The following CTNND2 variants were observed in gnomAD, a reference collection of about 807,000 sequenced individuals.
CTNND2 encodes catenin delta-2.
CTNND2 carries 22 observed loss-of-function variants against 144.4 expected under a neutral mutation model. That is an observed-to-expected ratio of 0.15 (90% CI 0.11 to 0.22). The LOEUF is 0.22. CTNND2 is among the 10% of genes least tolerant of loss of function. The pLI is 1.00. For missense variants in CTNND2, 1,353 were observed against 1,618.8 expected, an observed-to-expected ratio of 0.84 and a Z score of 2.82; for synonymous variants, 751 against 695.6, an observed-to-expected ratio of 1.08 and a Z score of -1.25.
chr5:11,462,962 T>C (rs1418813480), intron 3 of CTNND2, among the ~76,000 whole-genome samples: 4 of 152,184 alleles, frequency 2.6e-5, no homozygotes, highest in Non-Finnish European at 5.9e-5. Context: ...AGTCTTCATA[T>C]CAAATGTGGA....
At chr5:11,218,133 A>G (rs1278868317) in intron 10 of CTNND2, among the ~76,000 whole-genome samples, 1 of 151,182 alleles carries the variant, frequency 6.6e-6, no homozygotes, top group Non-Finnish European at 1.5e-5. Flanking sequence ...GGGACTTAAC[A>G]ATATCCCTGA....
intron 11 of CTNND2, among the ~76,000 whole-genome samples, chr5:11,189,190 C>A (rs1735994533): frequency 6.6e-6 from 1 of 152,104 alleles, no homozygotes; most frequent in African/African-American, 2.4e-5. Flanking sequence ...TTCTTTTCTC[C>A]CTTCCTCCAT....
chr5:11,155,555 G>A (rs1000403656), intron 12 of CTNND2, among the ~76,000 whole-genome samples: 1 of 152,124 alleles, frequency 6.6e-6, no homozygotes, highest in Admixed American at 6.5e-5. Flanking sequence ...GATTAGGGGT[G>A]GTGGGGAAGA....
In CTNND2 at chr5:11,903,660, A is replaced by G. The variant is rs1240865119; in HGVS notation, c.37+157T>C. ...CGGCTTCCGAGGGGGACCTGGCGCG[A>G]TCGCGGTCCTCCCCGAGGCAGGCAG... On this transcript the variant is annotated intron_variant, in intron 1 of 21. Coordinates refer to ENST00000304623, the MANE Select transcript of CTNND2 (RefSeq NM_001332.4). The surrounding 1 kb of genome is among the most constrained non-coding windows in gnomAD (Gnocchi z 5.4). 1.3e-5 allele frequency among the ~76,000 whole-genome samples: 2 copies of G among 151,994 alleles called. No individual in the cohort carries two copies.
At chr5:11,175,854 T>A in intron 11 of CTNND2, among the ~76,000 whole-genome samples, 1 of 152,118 alleles carries the variant, frequency 6.6e-6, no homozygotes, top group East Asian at 1.9e-4. Context: ...TGTCACCCAA[T>A]AGTGTGTGTT....
chr5:11,405,864 C>A (rs1761052904), intron 5 of CTNND2, among the ~76,000 whole-genome samples: 1 of 152,100 alleles, frequency 6.6e-6, no homozygotes, highest in African/African-American at 2.4e-5. Context: ...CTGGAAAGAA[C>A]AGTCTTGTTT....
At chr5:11,033,322 G>A (rs1231697086) in intron 16 of CTNND2, among the ~76,000 whole-genome samples, 3 of 152,138 alleles carry the variant, frequency 2.0e-5, no homozygotes. Flanking sequence ...GAGTTTGCTG[G>A]GGATTCTTCT....
intron 1 of CTNND2, among the ~76,000 whole-genome samples, chr5:11,814,365 G>T (rs888120185): frequency 5.9e-5 from 9 of 152,212 alleles, no homozygotes; most frequent in Non-Finnish European, 1.3e-4. Flanking sequence ...TAAAACATGT[G>T]GTAGAGGACA....
chr5:11,525,459 T>C (rs1372538522), intron 3 of CTNND2, among the ~76,000 whole-genome samples: 1 of 152,080 alleles, frequency 6.6e-6, no homozygotes, highest in African/African-American at 2.4e-5. Flanking sequence ...GAGGTTAAAT[T>C]TAAACATTTT....
intron 3 of CTNND2, among the ~76,000 whole-genome samples, chr5:11,446,473 C>T (rs1463370220): frequency 6.6e-6 from 1 of 152,144 alleles, no homozygotes; most frequent in Non-Finnish European, 1.5e-5. Flanking sequence ...CTCTAAGAGC[C>T]AGCCTATGAT....
chr5:11,546,431 TTAGAAGAAGA>T (rs1489754649), intron 3 of CTNND2, among the ~76,000 whole-genome samples: 2 of 152,006 alleles, frequency 1.3e-5, no homozygotes, highest in African/African-American at 2.4e-5. Context: ...TGTAAGATTT[TTAGAAGAAGA>T]CACAATACAG....
chr5:11,099,565 T>C (rs1751676120), intron 14 of CTNND2, among the ~76,000 whole-genome samples: 1 of 152,160 alleles, frequency 6.6e-6, no homozygotes, highest in Non-Finnish European at 1.5e-5. Context: ...TAGTATGGGA[T>C]TTGCACATTA....
chr5:11,702,963 G>A lies in CTNND2; in HGVS notation c.174+29173C>T, dbSNP rs1464863621. Reference sequence around the variant, plus strand: ...TCTTAACCAACATCCGCAACACTCAGATGCTTCAGTGTTACTCCCAAAACA... The same window carrying A: ...TCTTAACCAACATCCGCAACACTCAAATGCTTCAGTGTTACTCCCAAAACA... On this transcript the variant is annotated intron_variant, in intron 2 of 21. Transcript: ENST00000304623. 4.6e-5 allele frequency among the ~76,000 whole-genome samples: 7 copies of A among 152,160 alleles called. No homozygotes were observed. In the East Asian group the frequency reaches 1.4e-3, roughly 29 times the overall value.
intron 9 of CTNND2, among the ~76,000 whole-genome samples, chr5:11,314,286 T>C (rs1292005039): frequency 6.6e-6 from 1 of 152,178 alleles, no homozygotes; most frequent in African/African-American, 2.4e-5. Context: ...GGAAATGTGC[T>C]CTGTGTTATA....
At chr5:11,785,442 T>C (rs1052986181) in intron 1 of CTNND2, among the ~76,000 whole-genome samples, 1 of 152,198 alleles carries the variant, frequency 6.6e-6, no homozygotes, top group Non-Finnish European at 1.5e-5. Context: ...AAATATAAAA[T>C]GTTATTTTTT....
At position 11,031,570 on chromosome 5, in the gene CTNND2, C is replaced by A. The variant is rs187031143; in HGVS notation, c.2789-8591G>T. On this transcript the variant is annotated intron_variant, in intron 16 of 21. Transcript: ENST00000304623. Reference sequence around the variant, plus strand: ...GTCAGCTTAATTGGATTGAAGGATGCCTCGGTGGGCTGGTAAAGTAGTGTT... The same window carrying A: ...GTCAGCTTAATTGGATTGAAGGATGACTCGGTGGGCTGGTAAAGTAGTGTT... 3.8e-4 allele frequency among the ~76,000 whole-genome samples: 58 copies of A among 152,050 alleles called. 1 individual carries two copies. The East Asian group carries it at 8.9e-3, about 23-fold the overall frequency.
intron 2 of CTNND2, among the ~76,000 whole-genome samples, chr5:11,729,544 T>G (rs1195364489): frequency 6.6e-6 from 1 of 152,190 alleles, no homozygotes; most frequent in African/African-American, 2.4e-5. Flanking sequence ...AACTCATTTT[T>G]ACTAATGACT....
intron 11 of CTNND2, among the ~76,000 whole-genome samples, chr5:11,170,980 GA>G (rs1235456579): frequency 6.6e-5 from 10 of 152,286 alleles, no homozygotes; most frequent in African/African-American, 2.2e-4. Context: ...ACTATCATGA[GA>G]ACAGTATGGG....
intron 2 of CTNND2, among the ~76,000 whole-genome samples, chr5:11,656,851 C>T (rs1782941391): frequency 6.6e-6 from 1 of 152,114 alleles, no homozygotes. Context: ...CAGGCAGTGT[C>T]TTCTTACAAT....
Sources: allele counts gnomAD v4.1 joint callset (sites outside exome capture counted in the v4.1 genomes callset), GRCh38; gene constraint gnomAD v4.1.1; non-coding constraint Gnocchi (gnomAD v3.1); transcripts MANE v1.5; gene names NCBI Gene and HGNC (gene_info 2026-07-23, HGNC 2026-07-21).